The following PPP2R2B variants were observed in gnomAD, a reference collection of about 807,000 sequenced individuals.
PPP2R2B encodes the protein serine/threonine-protein phosphatase 2A 55 kDa regulatory subunit B beta isoform.
PPP2R2B carries 5 observed loss-of-function variants against 46.0 expected under a neutral mutation model. The ratio of observed to expected loss-of-function variants is 0.11; its 90% confidence interval spans 0.06 to 0.23. PPP2R2B has a LOEUF of 0.23. PPP2R2B is among the 10% of genes least tolerant of loss of function. The probability of loss-of-function intolerance (pLI) is 1.00; values close to 1 mark genes in which losing one functional copy is unlikely to be tolerated. For missense variants in PPP2R2B, 367 were observed against 575.0 expected (o/e 0.64, Z 3.70); for synonymous variants, 215 against 206.7 (o/e 1.04, Z -0.34).
chr5:146,783,560 T>C (rs1333517649), intron 2 of PPP2R2B, among the ~76,000 whole-genome samples: 5 of 152,224 alleles, frequency 3.3e-5, no homozygotes, highest in African/African-American at 1.2e-4. Context: ...TTATAATCAG[T>C]TAAACATCAT....
At chr5:146,810,321 A>G (rs1757449596) in intron 2 of PPP2R2B, among the ~76,000 whole-genome samples, 2 of 152,178 alleles carry the variant, frequency 1.3e-5, no homozygotes, top group East Asian at 1.9e-4. Flanking sequence ...GGCGGGCAAG[A>G]GAAGACAATG....
At chr5:146,683,967 G>A (rs542153227) in intron 5 of PPP2R2B, among the ~76,000 whole-genome samples, 3 of 152,128 alleles carry the variant, frequency 2.0e-5, no homozygotes, top group South Asian at 4.1e-4. Context: ...TCCACCCGCC[G>A]AGGCAGGATG....
chr5:147,039,115 C>G (rs1453003033), intron 1 of PPP2R2B, among the ~76,000 whole-genome samples: 2 of 152,182 alleles, frequency 1.3e-5, no homozygotes, highest in African/African-American at 4.8e-5. Flanking sequence ...CCACTGGGCT[C>G]TTCGCATTGC....
At chr5:147,026,504 T>G (rs1755533176) in intron 1 of PPP2R2B, among the ~76,000 whole-genome samples, 1 of 152,124 alleles carries the variant, frequency 6.6e-6, no homozygotes, top group African/African-American at 2.4e-5. Context: ...ATATTTTCAT[T>G]CTCTTAATTA....
At chr5:146,712,315 C>G (rs930645084) in intron 2 of PPP2R2B, among the ~76,000 whole-genome samples, 12 of 152,072 alleles carry the variant, frequency 7.9e-5, no homozygotes, top group African/African-American at 2.9e-4. Flanking sequence ...AAAGTATGCT[C>G]TCTTTTGGAT....
At chr5:146,809,050 A>G (rs1458952785) in intron 2 of PPP2R2B, among the ~76,000 whole-genome samples, 19 of 152,024 alleles carry the variant, frequency 1.2e-4, no homozygotes, top group Admixed American at 1.2e-3. Context: ...AGTTTCCAAC[A>G]GCAACAAAAA....
chr5:146,720,021 C>G (rs1377117048), intron 2 of PPP2R2B, among the ~76,000 whole-genome samples: 1 of 152,054 alleles, frequency 6.6e-6, no homozygotes, highest in Non-Finnish European at 1.5e-5. Context: ...AGTGCCAGCT[C>G]CCATTTACCC....
At chr5:146,693,919 G>A (rs1581892279) in intron 4 of PPP2R2B, among the ~76,000 whole-genome samples, 1 of 152,288 alleles carries the variant, frequency 6.6e-6, no homozygotes, top group East Asian at 1.9e-4. Flanking sequence ...AACACTGTCA[G>A]GGGAGAAAAG....
chr5:146,911,260 T>C (rs1763172029), intron 1 of PPP2R2B, among the ~76,000 whole-genome samples: 1 of 152,146 alleles, frequency 6.6e-6, no homozygotes, highest in Non-Finnish European at 1.5e-5. Context: ...ATTTTTGTAT[T>C]TTTAGTAGAG....
intron 2 of PPP2R2B, among the ~76,000 whole-genome samples, chr5:146,757,378 C>G (rs1753896643): frequency 6.6e-6 from 1 of 152,084 alleles, no homozygotes; most frequent in African/African-American, 2.4e-5. Flanking sequence ...ATAGTACTGG[C>G]TGCCATGTAG....
At chr5:146,609,644 C>T (rs1165483418) in intron 7 of PPP2R2B, among the ~76,000 whole-genome samples, 3 of 148,872 alleles carry the variant, frequency 2.0e-5, no homozygotes, top group Non-Finnish European at 4.4e-5. Context: ...GCGCACCGTG[C>T]GCGAGCCGAA....
intron 2 of PPP2R2B, among the ~76,000 whole-genome samples, chr5:146,863,363 G>A (rs1285486323): frequency 1.3e-5 from 2 of 152,086 alleles, no homozygotes; most frequent in South Asian, 2.1e-4. Flanking sequence ...GCTCTTCTCT[G>A]CCTGTCATAT....
At position 147,000,057 on chromosome 5, in the gene PPP2R2B, A is replaced by G. The variant is rs140354022; in HGVS notation, c.79+55608T>C. 5.1e-4 allele frequency among the ~76,000 whole-genome samples: 78 copies of G among 152,326 alleles called. 2 individuals carry two copies. Among genetic ancestry groups the G allele is most frequent in the African/African-American group, 1.8e-3 (76 of 41,578 alleles). ...ACTAGTGCTGCTGATTTAGACACCA[A>G]GGCTGTGATGATGGTGACTTTAACA... is the stretch of plus-strand genomic sequence containing the variant. On this transcript the variant is annotated intron_variant, in intron 1 of 8. Transcript: ENST00000336640.
At chr5:146,639,629 C>G (rs1273061328) in intron 6 of PPP2R2B, among the ~76,000 whole-genome samples, 1 of 152,176 alleles carries the variant, frequency 6.6e-6, no homozygotes, top group Non-Finnish European at 1.5e-5. Flanking sequence ...CACAGTAAAG[C>G]TGACCAACAG....
chr5:146,800,764 A>AG (rs1278577117), intron 2 of PPP2R2B, among the ~76,000 whole-genome samples: 1 of 151,926 alleles, frequency 6.6e-6, no homozygotes, highest in Non-Finnish European at 1.5e-5. Context: ...GGTTCAAAAT[A>AG]GGGGGGCTCT....
At chr5:146,941,597 C>T (rs1764326638) in intron 1 of PPP2R2B, among the ~76,000 whole-genome samples, 1 of 152,066 alleles carries the variant, frequency 6.6e-6, no homozygotes, top group Non-Finnish European at 1.5e-5. Context: ...ACTTTTGTGC[C>T]CACCTGATAG....
chr5:146,699,070 G>A (rs1779387526), intron 3 of PPP2R2B, among the ~76,000 whole-genome samples: 1 of 152,162 alleles, frequency 6.6e-6, no homozygotes, highest in Non-Finnish European at 1.5e-5. Flanking sequence ...GCTTCAAGAA[G>A]CAGGCTTTGA....
intron 2 of PPP2R2B, among the ~76,000 whole-genome samples, chr5:146,781,159 T>TC (rs1461200349): frequency 9.1e-6 from 1 of 110,166 alleles, no homozygotes; most frequent in African/African-American, 4.2e-5. Flanking sequence ...TATATATATA[T>TC]ATATATATAT....
At chr5:146,759,951 G>A (rs1754060269) in intron 2 of PPP2R2B, among the ~76,000 whole-genome samples, 1 of 152,064 alleles carries the variant, frequency 6.6e-6, no homozygotes, top group African/African-American at 2.4e-5. Flanking sequence ...TCATATTTGT[G>A]CCTTCCCATC....
Sources: allele counts gnomAD v4.1 joint callset (sites outside exome capture counted in the v4.1 genomes callset), GRCh38; gene constraint gnomAD v4.1.1; transcripts MANE v1.5; gene names NCBI Gene and HGNC (gene_info 2026-07-23, HGNC 2026-07-21).